GRIK1: variants seen among roughly 807,000 people sequenced by gnomAD.
GRIK1 encodes the protein glutamate ionotropic receptor kainate type subunit 1, also known as glutamate receptor ionotropic, kainate 1.
In GRIK1, 69 loss-of-function variants were observed where a neutral mutation model predicts 105.7. The observed-to-expected ratio is 0.65, with a 90% CI of 0.54 to 0.80. The LOEUF (loss-of-function observed/expected upper bound fraction) is 0.80. Ranked by LOEUF, GRIK1 falls within the 30% of genes least tolerant of loss-of-function variation. The pLI, the probability that GRIK1 is intolerant of heterozygous loss-of-function variation, is 0.00. For missense variants in GRIK1, 1,109 were observed against 1,167.3 expected, an observed-to-expected ratio of 0.95 and a Z score of 0.73; for synonymous variants, 438 against 431.3, an observed-to-expected ratio of 1.02 and a Z score of -0.19.
At position 29,755,422 on chromosome 21, in the gene GRIK1, T is replaced by C. The variant is rs115670863; in HGVS notation, c.119-61359A>G. Among the ~76,000 whole-genome samples the C allele has an allele frequency of 2.8e-3, 421 of 152,330 alleles. 3 individuals carry two copies. Among genetic ancestry groups the C allele is most frequent in the African/African-American group, 9.9e-3 (413 of 41,580 alleles). On this transcript the variant is annotated intron_variant, in intron 1 of 17. Transcript: ENST00000327783. Reference sequence around the variant, plus strand: ...CCAGGCACTGTTCTTAATAGTTAACTAACAGGCATTCACTTATTTCATCTT... The same window carrying C: ...CCAGGCACTGTTCTTAATAGTTAACCAACAGGCATTCACTTATTTCATCTT...
At chr21:29,612,786 TA>T (rs1233184045) in intron 7 of GRIK1, among the ~76,000 whole-genome samples, 5 of 152,330 alleles carry the variant, frequency 3.3e-5, no homozygotes, top group Admixed American at 3.3e-4. Flanking sequence ...TTTACAATTT[TA>T]AAAATACCGC....
At chr21:29,667,940 T>C (rs2063091662) in intron 4 of GRIK1, among the ~76,000 whole-genome samples, 1 of 152,306 alleles carries the variant, frequency 6.6e-6, no homozygotes, top group African/African-American at 2.4e-5. Context: ...GATTTCATAG[T>C]TGAACAAAGC....
At chr21:29,666,005 C>A (rs1388714471) in intron 4 of GRIK1, among the ~76,000 whole-genome samples, 1 of 152,196 alleles carries the variant, frequency 6.6e-6, no homozygotes, top group African/African-American at 2.4e-5. Flanking sequence ...GCAAATGGGT[C>A]TCCCAACTTT....
intron 1 of GRIK1, among the ~76,000 whole-genome samples, chr21:29,701,421 G>A (rs1361692390): frequency 6.6e-6 from 1 of 152,184 alleles, no homozygotes; most frequent in Admixed American, 6.5e-5. Context: ...TAAGGTGGGA[G>A]CAGCCTGATG....
intron 7 of GRIK1, among the ~76,000 whole-genome samples, chr21:29,639,206 C>T (rs1304986122): frequency 6.6e-5 from 10 of 152,160 alleles, no homozygotes; most frequent in Admixed American, 1.3e-4. Context: ...GTGTGTTCTT[C>T]GGTTCCTTTG....
chr21:29,818,488 C>T (rs541504120), intron 1 of GRIK1, among the ~76,000 whole-genome samples: 38 of 152,110 alleles, frequency 2.5e-4, no homozygotes, highest in Middle Eastern at 3.4e-3. Flanking sequence ...CCAGCTTTGA[C>T]GATTTCTCTC....
chr21:29,794,298 T>TG (rs2145832009), intron 1 of GRIK1, among the ~76,000 whole-genome samples: 1 of 152,340 alleles, frequency 6.6e-6, no homozygotes, highest in East Asian at 1.9e-4. Context: ...ATTAAATTAA[T>TG]GGAGAAAAAC....
intron 6 of GRIK1, among the ~76,000 whole-genome samples, chr21:29,643,194 T>TA (rs142706126): frequency 0.065 from 9,838 of 151,484 alleles, 437 homozygotes; most frequent in African/African-American, 0.12. Flanking sequence ...TCAAGTTCTT[T>TA]AAAAAAAAAT....
At chr21:29,762,942 G>T (rs2065564251) in intron 1 of GRIK1, among the ~76,000 whole-genome samples, 1 of 152,370 alleles carries the variant, frequency 6.6e-6, no homozygotes, top group South Asian at 2.1e-4. Context: ...AGAAAACGAT[G>T]TAAAGCCAGA....
In GRIK1 at chr21:29,699,598, T is replaced by G. The variant is rs149180341; in HGVS notation, c.119-5535A>C. Among the ~76,000 whole-genome samples, 22 of 152,318 alleles carry G rather than the reference T, an allele frequency of 1.4e-4. 1 individual carries two copies. The East Asian group carries it at 2.7e-3, about 19-fold the overall frequency. On this transcript the variant is annotated intron_variant, in intron 1 of 17. Coordinates refer to ENST00000327783, the MANE Select transcript of GRIK1 (RefSeq NM_001330994.2). ...TATGGTCTTTTTTGTTTGTTTGTTTTTTTGTGTTTGTTTTTACAGCAAACC... is the reference window on the plus strand; with the variant it reads ...TATGGTCTTTTTTGTTTGTTTGTTTGTTTGTGTTTGTTTTTACAGCAAACC...
intron 7 of GRIK1, among the ~76,000 whole-genome samples, chr21:29,600,869 C>T (rs902775851): frequency 8.5e-5 from 13 of 152,284 alleles, no homozygotes; most frequent in South Asian, 2.1e-4. Context: ...TTACAAATCA[C>T]GACCAGATTC....
intron 1 of GRIK1, among the ~76,000 whole-genome samples, chr21:29,754,465 A>C (rs1278776935): frequency 1.3e-5 from 2 of 152,210 alleles, no homozygotes; most frequent in African/African-American, 4.8e-5. Flanking sequence ...CCTACTATTT[A>C]GTTGAGTTAC....
chr21:29,927,106 G>A (rs572960854), intron 1 of GRIK1, among the ~76,000 whole-genome samples: 31 of 152,100 alleles, frequency 2.0e-4, no homozygotes, highest in Admixed American at 5.9e-4. Context: ...ATGCCTCCCC[G>A]CTCCACACCA....
intron 1 of GRIK1, among the ~76,000 whole-genome samples, chr21:29,934,896 C>T (rs969665574): frequency 5.7e-4 from 86 of 152,200 alleles, no homozygotes; most frequent in African/African-American, 2.0e-3. Flanking sequence ...AAAAGATCTG[C>T]TCATTCTCAG....
intron 5 of GRIK1, among the ~76,000 whole-genome samples, chr21:29,652,904 C>T (rs539110668): frequency 3.0e-4 from 45 of 152,326 alleles, no homozygotes; most frequent in South Asian, 1.0e-3. Context: ...TTTTGATGAA[C>T]TCTCTCTTTC....
At chr21:29,651,623 A>G (rs947407937) in intron 5 of GRIK1, among the ~76,000 whole-genome samples, 2 of 152,154 alleles carry the variant, frequency 1.3e-5, no homozygotes, top group African/African-American at 4.8e-5. Flanking sequence ...GTCAGTTAAT[A>G]GCTGTCTCAG....
At chr21:29,769,970 T>G (rs1277798159) in intron 1 of GRIK1, among the ~76,000 whole-genome samples, 1 of 152,176 alleles carries the variant, frequency 6.6e-6, no homozygotes, top group Non-Finnish European at 1.5e-5. Context: ...AATAGATGAG[T>G]GACAAAGATG....
intron 1 of GRIK1, among the ~76,000 whole-genome samples, chr21:29,785,226 G>A (rs956281246): frequency 1.3e-5 from 2 of 152,162 alleles, no homozygotes; most frequent in East Asian, 1.9e-4. Flanking sequence ...TCAGCCTAAT[G>A]CCATGCTTAA....
chr21:29,728,422 A>G (rs1204691464), intron 1 of GRIK1, among the ~76,000 whole-genome samples: 1 of 152,222 alleles, frequency 6.6e-6, no homozygotes, highest in Non-Finnish European at 1.5e-5. Context: ...AATAAGGAAC[A>G]AAGTAAGAAT....
Sources: allele counts gnomAD v4.1 joint callset (sites outside exome capture counted in the v4.1 genomes callset), GRCh38; gene constraint gnomAD v4.1.1; transcripts MANE v1.5; gene names NCBI Gene and HGNC (gene_info 2026-07-23, HGNC 2026-07-21).